Variants in FBN2 observed in about 807,000 individuals in gnomAD.
The protein encoded by FBN2 is fibrillin-2.
FBN2 carries 105 observed loss-of-function variants against 355.6 expected under a neutral mutation model. That is an observed-to-expected ratio of 0.30 (90% CI 0.25 to 0.35). FBN2 has a LOEUF of 0.35. FBN2 is among the 10% of genes least tolerant of loss of function. The pLI, the probability that FBN2 is intolerant of heterozygous loss-of-function variation, is 1.00. For synonymous variants in FBN2, 1,350 were observed against 1,301.2 expected (o/e 1.04, Z -0.81); for missense variants, 3,280 against 3,758.7 (o/e 0.87, Z 3.33).
chr5:128,341,891 C>A (rs1751031746), intron 25 of FBN2, among the ~76,000 whole-genome samples: 1 of 152,170 alleles, frequency 6.6e-6, no homozygotes, highest in South Asian at 2.1e-4. Context: ...AAAGAATTCG[C>A]ATAACTTTTT....
chr5:128,462,731 A>G (rs1754592379), intron 6 of FBN2, among the ~76,000 whole-genome samples: 1 of 152,214 alleles, frequency 6.6e-6, no homozygotes, highest in Admixed American at 6.5e-5. Context: ...TATGAAAGTA[A>G]AAAAGCATAA....
At chr5:128,453,901 C>G (rs1316571841) in intron 6 of FBN2, among the ~76,000 whole-genome samples, 1 of 152,096 alleles carries the variant, frequency 6.6e-6, no homozygotes, top group Non-Finnish European at 1.5e-5. Context: ...GTGGTCCATA[C>G]TTCCTCTTTG....
At chr5:128,436,544 T>C (rs902759208) in intron 7 of FBN2, among the ~76,000 whole-genome samples, 2 of 151,890 alleles carry the variant, frequency 1.3e-5, no homozygotes, top group Admixed American at 6.6e-5. Context: ...GGATTACAAG[T>C]AATTGTCTAT....
chr5:128,275,339 AT>A lies in FBN2; in HGVS notation c.7595-657del, dbSNP rs890327769. 3.2e-4 allele frequency among the ~76,000 whole-genome samples: 48 copies of A among 150,958 alleles called. 1 individual carries two copies. The East Asian group carries it at 5.4e-3, about 17-fold the overall frequency. ...CTTAAAAAACGCTTTAGTCATACTC[AT>A]TTTTTTTTGATATGGAGTCTTTAGT... On this transcript the variant is annotated intron_variant, in intron 59 of 64. Transcript: ENST00000262464.
chr5:128,358,737 T>C (rs903592255), intron 19 of FBN2, among the ~76,000 whole-genome samples: 2 of 151,978 alleles, frequency 1.3e-5, no homozygotes, highest in African/African-American at 4.8e-5. Context: ...TAGCTAACCA[T>C]AAAAGAAGCA....
chr5:128,460,064 C>T (rs192374947), intron 6 of FBN2, among the ~76,000 whole-genome samples: 27 of 152,212 alleles, frequency 1.8e-4, no homozygotes, highest in Admixed American at 4.6e-4. Context: ...TTTAGAAAAC[C>T]GCATCATCTC....
Position 128,335,313 on chromosome 5 carries a change from G to A in FBN2, c.3848-18C>T. ...ATCAATGTCTGATGATACAAAATTA[G>A]CATCAAATGAAAATAAAAATGTCGT... On this transcript the variant is annotated intron_variant, in intron 29 of 64. Transcript: ENST00000262464. 1.2e-6 allele frequency: 2 copies of A among 1,613,830 alleles called. No individual in the cohort carries two copies.
intron 5 of FBN2, among the ~76,000 whole-genome samples, chr5:128,493,572 C>CTA (rs1309808854): frequency 5.9e-5 from 9 of 152,068 alleles, no homozygotes; most frequent in Non-Finnish European, 1.2e-4. Context: ...AAAGGGCCTT[C>CTA]TATATCAAGT....
chr5:128,301,672 ATAAT>A (rs2126834703), intron 46 of FBN2, among the ~76,000 whole-genome samples, 162 bp from the exon 47 acceptor site: 1 of 152,322 alleles, frequency 6.6e-6, no homozygotes, highest in Non-Finnish European at 1.5e-5. Context: ...TAAGGATCAT[ATAAT>A]TAATAGGATC....
intron 7 of FBN2, 144 bp downstream of exon 7, chr5:128,446,336 GA>G (rs1399478941): frequency 1.2e-6 from 1 of 827,522 alleles, no homozygotes; most frequent in Non-Finnish European, 2.0e-6. Context: ...CACAAACACA[GA>G]ACTACTCTAG....
chr5:128,444,114 G>A (rs1216029625), intron 7 of FBN2, among the ~76,000 whole-genome samples: 15 of 127,922 alleles, frequency 1.2e-4, no homozygotes, highest in Non-Finnish European at 1.6e-4. Flanking sequence ...CGCCCAGGCC[G>A]GACTGCGGAC....
At chr5:128,370,348 A>G (rs1192702648) in intron 15 of FBN2, among the ~76,000 whole-genome samples, 1 of 152,136 alleles carries the variant, frequency 6.6e-6, no homozygotes, top group Non-Finnish European at 1.5e-5. Flanking sequence ...TGTTGGAAAA[A>G]ATTTCATCTG....
chr5:128,494,457 G>C (rs1755598049), intron 5 of FBN2, among the ~76,000 whole-genome samples: 1 of 152,146 alleles, frequency 6.6e-6, no homozygotes, highest in Non-Finnish European at 1.5e-5. Flanking sequence ...GAGGCTCAAA[G>C]GCTGGCCCCA....
chr5:128,463,199 T>C (rs1397750132), intron 6 of FBN2, among the ~76,000 whole-genome samples: 1 of 152,032 alleles, frequency 6.6e-6, no homozygotes, highest in Non-Finnish European at 1.5e-5. Context: ...GTAAAGACCA[T>C]ATGGAGCACA....
intron 7 of FBN2, among the ~76,000 whole-genome samples, chr5:128,425,804 A>C (rs541022036): frequency 2.6e-5 from 4 of 152,204 alleles, no homozygotes; most frequent in Non-Finnish European, 5.9e-5. Flanking sequence ...ACCCTCATTC[A>C]CTGAGACACA....
At chr5:128,332,062 A>T (rs1023539090) in intron 32 of FBN2, among the ~76,000 whole-genome samples, 11 of 152,242 alleles carry the variant, frequency 7.2e-5, no homozygotes, top group Admixed American at 5.9e-4. Context: ...CAAATTCTAT[A>T]GTCAGTACAT....
At chr5:128,356,282 G>A (rs1018308202) in intron 20 of FBN2, among the ~76,000 whole-genome samples, 3 of 152,182 alleles carry the variant, frequency 2.0e-5, no homozygotes, top group Non-Finnish European at 4.4e-5. Context: ...TGTTTCCAAA[G>A]AGAAGGTTTT....
At chr5:128,493,570 T>G (rs1755568700) in intron 5 of FBN2, among the ~76,000 whole-genome samples, 1 of 152,174 alleles carries the variant, frequency 6.6e-6, no homozygotes, top group African/African-American at 2.4e-5. Flanking sequence ...ATAAAGGGCC[T>G]TCTATATCAA....
At chr5:128,486,932 A>G (rs1035232271) in intron 5 of FBN2, among the ~76,000 whole-genome samples, 2 of 152,162 alleles carry the variant, frequency 1.3e-5, no homozygotes, top group East Asian at 1.9e-4. Flanking sequence ...ATGTCCCTAC[A>G]AAGGACATGA....
Sources: allele counts gnomAD v4.1 joint callset (sites outside exome capture counted in the v4.1 genomes callset), GRCh38; gene constraint gnomAD v4.1.1; transcripts MANE v1.5; gene names NCBI Gene and HGNC (gene_info 2026-07-23, HGNC 2026-07-21).